RTF1: variants seen among roughly 807,000 people sequenced by gnomAD.
The protein encoded by RTF1 is RTF1 homolog, Paf1/RNA polymerase II complex component, also known as RNA polymerase-associated protein RTF1 homolog.
RTF1 carries 10 observed loss-of-function variants against 95.7 expected under a neutral mutation model. That is an observed-to-expected ratio of 0.10 (90% CI 0.06 to 0.18). The LOEUF is 0.18. RTF1 is among the 10% of genes least tolerant of loss of function. The pLI is 1.00. For missense variants in RTF1, 458 were observed against 875.6 expected, an observed-to-expected ratio of 0.52 and a Z score of 6.02; for synonymous variants, 305 against 311.8, an observed-to-expected ratio of 0.98 and a Z score of 0.23.
At chr15:41,470,650 CTTTTTTTTTTTTTT>C (rs58221683) in intron 7 of RTF1, among the ~76,000 whole-genome samples, 10 of 75,488 alleles carry the variant, frequency 1.3e-4, no homozygotes, top group Admixed American at 8.1e-4. Flanking sequence ...CATTCATTTT[CTTTTTTTTTTTTTT>C]TTTTTTTTTT....
intron 2 of RTF1, among the ~76,000 whole-genome samples, chr15:41,444,094 T>A (rs2050748920): frequency 6.7e-6 from 1 of 149,036 alleles, no homozygotes; most frequent in African/African-American, 2.5e-5. Flanking sequence ...AAAGAAAAAT[T>A]AAAAAAAAAT....
At chr15:41,419,164 T>C (rs1478788472) in intron 1 of RTF1, among the ~76,000 whole-genome samples, 3 of 152,160 alleles carry the variant, frequency 2.0e-5, no homozygotes, top group Non-Finnish European at 4.4e-5. Flanking sequence ...AAAAGTTTGA[T>C]TGGTAGATAA....
intron 1 of RTF1, among the ~76,000 whole-genome samples, chr15:41,424,383 C>T (rs921167102): frequency 2.0e-5 from 3 of 151,996 alleles, no homozygotes; most frequent in African/African-American, 4.8e-5. Context: ...GGTTGAGGCA[C>T]CAGCATATAT....
chr15:41,422,659 A>G (rs2050608265), intron 1 of RTF1, among the ~76,000 whole-genome samples: 1 of 152,204 alleles, frequency 6.6e-6, no homozygotes, highest in Admixed American at 6.6e-5. Flanking sequence ...GCTTTATTTT[A>G]TAGGTTTCTT....
intron 2 of RTF1, chr15:41,440,194 T>C (rs1200018731): frequency 1.3e-5 from 2 of 150,352 alleles, no homozygotes; most frequent in Admixed American, 1.3e-4. Flanking sequence ...CTTTCTTTTT[T>C]TTTTTTTTTT....
At chr15:41,458,853 C>G (rs1399609190) in intron 4 of RTF1, among the ~76,000 whole-genome samples, 2 of 150,152 alleles carry the variant, frequency 1.3e-5, no homozygotes, top group Non-Finnish European at 3.0e-5. Flanking sequence ...GGGCGGATCA[C>G]TTGAGGTCAG....
chr15:41,477,664 G>A lies in RTF1; in HGVS notation c.1740+149G>A, dbSNP rs989173110. 2.4e-4 allele frequency: 164 copies of A among 682,366 alleles called. 1 individual carries two copies. Among genetic ancestry groups the A allele is most frequent in the Middle Eastern group, 3.9e-4 (1 of 2,532 alleles). The allele number at this position is 682,366 out of a possible 1,614,324, so 42.3% of individuals were successfully genotyped here. A position where few individuals can be genotyped will look rare whatever the true frequency, so the allele number is the denominator to read the frequency against. On this transcript the variant is annotated intron_variant, in intron 14 of 17. Coordinates refer to ENST00000389629, the MANE Select transcript of RTF1 (RefSeq NM_015138.5). ...CTCTCTCTGTATGTCCACGTACATC[G>A]ATATAATTTATTCATAATGAAAAGC...
At chr15:41,474,598 G>C (rs754568875) in intron 8 of RTF1, 22 bp from the exon 9 acceptor site, 3 of 1,578,834 alleles carry the variant, frequency 1.9e-6, no homozygotes, top group Non-Finnish European at 1.7e-6. Flanking sequence ...GTTTTGACTG[G>C]CGTCTCTGTC....
chr15:41,441,544 A>T (rs745636830), intron 2 of RTF1, among the ~76,000 whole-genome samples: 1 of 152,056 alleles, frequency 6.6e-6, no homozygotes, highest in Non-Finnish European at 1.5e-5. Context: ...TTTTTAGCCA[A>T]AGCATTAGAG....
intron 2 of RTF1, among the ~76,000 whole-genome samples, chr15:41,440,527 G>C (rs1224253937): frequency 1.6e-5 from 2 of 122,666 alleles, no homozygotes; most frequent in Admixed American, 9.8e-5. Context: ...GTCTCGCTCT[G>C]TTGCCAGGCT....
At position 41,480,745 on chromosome 15, in the gene RTF1, C is replaced by G; in HGVS notation, c.*58C>G. 7.9e-7 allele frequency: 1 copy of G among 1,264,400 alleles called. No individual in the cohort carries two copies. The allele number at this position is 1,264,400 out of a possible 1,614,324, so 78.3% of individuals were successfully genotyped here. A position where few individuals can be genotyped will look rare whatever the true frequency, so the allele number is the denominator to read the frequency against. ...GCCCCATCGCAGCGTCCCACCTTTC[C>G]TCCTTTCCTTTGATTTAGCCTCTTT... On this transcript the variant is annotated 3_prime_UTR_variant, in exon 18 of 18. Transcript: ENST00000389629.
In RTF1 at chr15:41,464,756, A is replaced by G. The variant is rs570792011; in HGVS notation, c.663-15A>G. On this transcript the variant is annotated splice_polypyrimidine_tract_variant and intron_variant, in intron 4 of 17. Transcript: ENST00000389629. ...CATTTCATTGCTACTTAAAAACCAA[A>G]TATCTTTTAACCAGATTTGAAATCA... is the stretch of plus-strand genomic sequence containing the variant. The G allele has an allele frequency of 6.5e-6, 10 of 1,539,858 alleles. No individual in the cohort carries two copies. In the East Asian group the frequency reaches 2.0e-4, roughly 31 times the overall value.
chr15:41,435,161 G>C (rs1480297421), intron 1 of RTF1, among the ~76,000 whole-genome samples: 1 of 151,894 alleles, frequency 6.6e-6, no homozygotes, highest in Non-Finnish European at 1.5e-5. Flanking sequence ...ATAATCAATT[G>C]GTATCAAAAC....
At chr15:41,462,762 G>A (rs1003191863) in intron 4 of RTF1, among the ~76,000 whole-genome samples, 1 of 151,926 alleles carries the variant, frequency 6.6e-6, no homozygotes, top group Admixed American at 6.6e-5. Context: ...TATTATTATT[G>A]TTGTTGTTAT....
chr15:41,472,215 T>G (rs8037698), intron 8 of RTF1, among the ~76,000 whole-genome samples: 1,988 of 149,772 alleles, frequency 0.013, 42 homozygotes, highest in African/African-American at 0.047. Flanking sequence ...ATTTGTTGTT[T>G]TTTTTTTTCA....
intron 1 of RTF1, among the ~76,000 whole-genome samples, chr15:41,418,840 G>A (rs899629534): frequency 3.7e-4 from 56 of 151,656 alleles, no homozygotes; most frequent in African/African-American, 1.4e-3. Context: ...CATAAAAGGG[G>A]AGGACTTTTT....
intron 7 of RTF1, 103 bp from the exon 8 acceptor site, chr15:41,471,069 G>C: frequency 9.1e-7 from 1 of 1,098,888 alleles, no homozygotes; most frequent in East Asian, 2.4e-5. Flanking sequence ...TCCTAGGCCA[G>C]TCACATGTAC....
intron 2 of RTF1, among the ~76,000 whole-genome samples, chr15:41,446,557 CA>C (rs934068146): frequency 2.3e-4 from 29 of 128,868 alleles, no homozygotes; most frequent in South Asian, 7.2e-4. Context: ...GACTCCGTCT[CA>C]AAAAAAAAAA....
Position 41,464,844 on chromosome 15 carries a change from G to A in RTF1, c.736G>A (p.Glu246Lys). 1 of 1,543,236 alleles carries A rather than the reference G, an allele frequency of 6.5e-7. No individual in the cohort carries two copies. The highest frequency in any genetic ancestry group is 2.1e-5 in the Admixed American group (1 of 47,744). The stretch of plus-strand genomic sequence containing the variant: ...AGAAAAGAAGAAAAAGCAAGAAGAG[G>A]AGCAAGAAAAGAAAAAACTGACACA... ...KKEKKKKQEE[E>K]QEKKKLTQIQ... The change falls in exon 5 of 18, where the codon GAG (glutamate) becomes AAG (lysine). Residue 246 changes from glutamate (E) to lysine (K), a missense_variant. Transcript: ENST00000389629.
Sources: gnomAD v4.1 joint callset for allele counts (sites outside exome capture counted in the v4.1 genomes callset) on GRCh38, gnomAD v4.1.1 for gene constraint, MANE v1.5 for transcripts, NCBI Gene and HGNC (gene_info 2026-07-23, HGNC 2026-07-21) for gene names.